Variants in GABBR2 observed in about 807,000 individuals in gnomAD.
GABBR2 encodes the protein G-protein coupled receptor 51.
Under a neutral mutation model 105.6 loss-of-function variants are expected in GABBR2, and 23 were observed. That is an observed-to-expected ratio of 0.22 (90% confidence interval 0.16 to 0.31). The LOEUF is 0.31. GABBR2 is among the 10% of genes least tolerant of loss of function. The probability of loss-of-function intolerance (pLI) is 1.00; values close to 1 mark genes in which losing one functional copy is unlikely to be tolerated. For missense variants in GABBR2, 734 were observed against 1,245.5 expected, an observed-to-expected ratio of 0.59 and a Z score of 6.18; for synonymous variants, 478 against 499.7, an observed-to-expected ratio of 0.96 and a Z score of 0.58.
At chr9:98,589,022 C>T (rs1029237905) in intron 1 of GABBR2, among the ~76,000 whole-genome samples, 3 of 152,312 alleles carry the variant, frequency 2.0e-5, no homozygotes, top group Non-Finnish European at 4.4e-5. Flanking sequence ...CCAGGTGTGG[C>T]GTCTTTGGGT....
intron 11 of GABBR2, among the ~76,000 whole-genome samples, chr9:98,380,377 C>T (rs368385657): frequency 2.0e-5 from 3 of 152,234 alleles, no homozygotes; most frequent in African/African-American, 2.4e-5. Flanking sequence ...ACTCCTCCCC[C>T]GCTCGAGCTG....
At chr9:98,327,686 T>C (rs1044878158) in intron 13 of GABBR2, among the ~76,000 whole-genome samples, 5 of 151,886 alleles carry the variant, frequency 3.3e-5, no homozygotes, top group Non-Finnish European at 5.9e-5. Context: ...CTGGTCAACA[T>C]GGTGAAACCC....
intron 7 of GABBR2, among the ~76,000 whole-genome samples, chr9:98,406,680 G>C (rs1006582843): frequency 2.0e-5 from 3 of 152,212 alleles, no homozygotes; most frequent in Non-Finnish European, 4.4e-5. Flanking sequence ...TTATAACCAA[G>C]CTATGGTGCA....
intron 3 of GABBR2, chr9:98,538,668 C>T (rs1170752163): frequency 7.8e-6 from 6 of 767,644 alleles, no homozygotes; most frequent in Non-Finnish European, 9.5e-6. Flanking sequence ...GGAGTAAAGC[C>T]CCTCCACCAC....
intron 2 of GABBR2, among the ~76,000 whole-genome samples, chr9:98,568,468 A>G (rs1828781008): frequency 1.3e-5 from 2 of 152,166 alleles, no homozygotes; most frequent in Non-Finnish European, 2.9e-5. Flanking sequence ...AAAGGAGAGG[A>G]CGGGCCTGCA....
chr9:98,608,079 C>G (rs1430012211), intron 1 of GABBR2: 4 of 1,313,256 alleles, frequency 3.0e-6, no homozygotes, highest in African/African-American at 2.9e-5. Flanking sequence ...TATTTTAGAA[C>G]AACGAACTCT....
chr9:98,648,480 C>T (rs1564140950), intron 1 of GABBR2, among the ~76,000 whole-genome samples: 1 of 152,134 alleles, frequency 6.6e-6, no homozygotes, highest in Non-Finnish European at 1.5e-5. Context: ...AGATGCATCT[C>T]CACGTTTTGA....
At chr9:98,658,501 C>A (rs1485243114) in intron 1 of GABBR2, among the ~76,000 whole-genome samples, 1 of 152,148 alleles carries the variant, frequency 6.6e-6, no homozygotes, top group Non-Finnish European at 1.5e-5. Context: ...TGGACATGCC[C>A]TATATCAGTC....
At position 98,413,431 on chromosome 9, in the gene GABBR2, T is replaced by C. The variant is rs776538702; in HGVS notation, c.1237-7290A>G. Reference sequence around the variant, plus strand: ...ATTGAGTATATCCACCCACATGTTCTGTAAAGTTTAAAAAATATTCTTTTT... The same window carrying C: ...ATTGAGTATATCCACCCACATGTTCCGTAAAGTTTAAAAAATATTCTTTTT... On this transcript the variant is annotated intron_variant, in intron 7 of 18. Coordinates refer to ENST00000259455, the MANE Select transcript of GABBR2 (RefSeq NM_005458.8). Among the ~76,000 whole-genome samples the C allele has an allele frequency of 2.0e-5, 3 of 151,788 alleles. 1 individual carries two copies. Among genetic ancestry groups the C allele is most frequent in the Non-Finnish European group, 4.4e-5 (3 of 68,028 alleles).
intron 13 of GABBR2, among the ~76,000 whole-genome samples, chr9:98,330,533 A>G (rs947248329): frequency 6.6e-6 from 1 of 152,174 alleles, no homozygotes; most frequent in Admixed American, 6.5e-5. Context: ...TGCAACCGAC[A>G]ACATCTAACA....
At chr9:98,564,631 A>G (rs896073627) in intron 2 of GABBR2, among the ~76,000 whole-genome samples, 1 of 152,220 alleles carries the variant, frequency 6.6e-6, no homozygotes, top group Non-Finnish European at 1.5e-5. Context: ...TGCCTGGCCC[A>G]TGGCAAAGGC....
rs1180193429 is a variant in GABBR2, at chr9:98,408,890, C to T, written c.1237-2749G>A. Among the ~76,000 whole-genome samples, 8 of 152,194 alleles carry T rather than the reference C, an allele frequency of 5.3e-5. No homozygotes were observed. The East Asian group carries it at 9.6e-4, about 18-fold the overall frequency. ...GCAGCCTCCACCTTCTGGGTTCAGGCGACCCTCCTGCCTCAGCCTGCGATT... is the reference window on the plus strand; with the variant it reads ...GCAGCCTCCACCTTCTGGGTTCAGGTGACCCTCCTGCCTCAGCCTGCGATT... On this transcript the variant is annotated intron_variant, in intron 7 of 18. Transcript: ENST00000259455.
chr9:98,703,789 CAGTCT>C (rs1464907377), intron 1 of GABBR2, among the ~76,000 whole-genome samples: 1 of 146,776 alleles, frequency 6.8e-6, no homozygotes, highest in Admixed American at 7.0e-5. Context: ...CCACCACACT[CAGTCT>C]ATCTTTTTAT....
At chr9:98,405,011 A>G (rs1171698116) in intron 8 of GABBR2, among the ~76,000 whole-genome samples, 1 of 152,180 alleles carries the variant, frequency 6.6e-6, no homozygotes, top group Non-Finnish European at 1.5e-5. Flanking sequence ...AGGTGTGATA[A>G]TAGTACCGTG....
chr9:98,389,698 G>A (rs1215809300), intron 9 of GABBR2, among the ~76,000 whole-genome samples: 1 of 152,206 alleles, frequency 6.6e-6, no homozygotes, highest in Non-Finnish European at 1.5e-5. Context: ...CAAGGAACTC[G>A]GGGGAACCCT....
chr9:98,477,410 T>C (rs1454452270), intron 5 of GABBR2, among the ~76,000 whole-genome samples: 2 of 152,170 alleles, frequency 1.3e-5, no homozygotes, highest in African/African-American at 4.8e-5. Flanking sequence ...CAGCTAATTT[T>C]TAAATTTTTT....
chr9:98,685,167 T>C lies in GABBR2; in HGVS notation c.321+23250A>G, dbSNP rs1004460824. Among the ~76,000 whole-genome samples, 14 of 152,190 alleles carry C rather than the reference T, an allele frequency of 9.2e-5. No individual in the cohort carries two copies. The East Asian group carries it at 2.7e-3, about 29-fold the overall frequency. On this transcript the variant is annotated intron_variant, in intron 1 of 18. Transcript: ENST00000259455. Reference sequence around the variant, plus strand: ...GACTGGCTGAGTCTTCTGGCCTCCATCTGTCTCCCGTGCCGGATGATTCCT... The same window carrying C: ...GACTGGCTGAGTCTTCTGGCCTCCACCTGTCTCCCGTGCCGGATGATTCCT...
At chr9:98,363,264 G>A (rs531058446) in intron 12 of GABBR2, among the ~76,000 whole-genome samples, 19 of 152,210 alleles carry the variant, frequency 1.2e-4, no homozygotes, top group African/African-American at 4.6e-4. Context: ...TTACTCCATA[G>A]CGCTTTGTCC....
At chr9:98,443,444 G>T (rs1564070950) in intron 7 of GABBR2, among the ~76,000 whole-genome samples, 1 of 152,164 alleles carries the variant, frequency 6.6e-6, no homozygotes, top group Admixed American at 6.6e-5. Context: ...GAAGGAGTAG[G>T]TTTCTTTCCT....
Sources: allele counts gnomAD v4.1 joint callset (sites outside exome capture counted in the v4.1 genomes callset), GRCh38; gene constraint gnomAD v4.1.1; transcripts MANE v1.5; gene names NCBI Gene and HGNC (gene_info 2026-07-23, HGNC 2026-07-21).